Variants in RALYL observed in about 807,000 individuals in gnomAD.
RALYL encodes the protein RALY RNA binding protein like, also known as RNA-binding Raly-like protein.
Under a neutral mutation model 35.1 loss-of-function variants are expected in RALYL, and 29 were observed. The observed-to-expected ratio is 0.83, with a 90% CI of 0.61 to 1.13. The LOEUF (loss-of-function observed/expected upper bound fraction) is 1.13, where lower values mean the gene tolerates loss of function less well. Ranked by LOEUF, RALYL falls within the 50% of genes most tolerant of loss-of-function variation. The pLI, the probability that RALYL is intolerant of heterozygous loss-of-function variation, is 0.00. For synonymous variants in RALYL, 120 were observed against 127.6 expected, an observed-to-expected ratio of 0.94 and a Z score of 0.40; for missense variants, 359 against 360.4, an observed-to-expected ratio of 1.00 and a Z score of 0.03.
chr8:84,650,355 G>A (rs1251302898), intron 2 of RALYL, among the ~76,000 whole-genome samples: 1 of 151,760 alleles, frequency 6.6e-6, no homozygotes, highest in Non-Finnish European at 1.5e-5. Context: ...AATCTACAAT[G>A]AACTCAAACA....
intron 1 of RALYL, among the ~76,000 whole-genome samples, chr8:84,519,269 G>T (rs1028436703): frequency 6.6e-6 from 1 of 152,042 alleles, no homozygotes; most frequent in African/African-American, 2.4e-5. Flanking sequence ...GTAGATTTGC[G>T]GATCTTATAA....
At chr8:84,552,336 G>GTTTATA (rs1564131734) in intron 2 of RALYL, among the ~76,000 whole-genome samples, 46 of 84,146 alleles carry the variant, frequency 5.5e-4, no homozygotes, top group African/African-American at 2.5e-3. Flanking sequence ...TAGGATGTGT[G>GTTTATA]TGTATATATA....
At chr8:84,594,905 G>T (rs936308393) in intron 2 of RALYL, among the ~76,000 whole-genome samples, 5 of 149,596 alleles carry the variant, frequency 3.3e-5, no homozygotes, top group Non-Finnish European at 7.4e-5. Context: ...TATGAACCTT[G>T]AGCTTTTAGA....
At chr8:84,897,322 C>T (rs1038849008) in intron 8 of RALYL, among the ~76,000 whole-genome samples, 1 of 152,070 alleles carries the variant, frequency 6.6e-6, no homozygotes, top group Non-Finnish European at 1.5e-5. Flanking sequence ...TCATATGAAA[C>T]TTTGTATTTT....
intron 2 of RALYL, among the ~76,000 whole-genome samples, chr8:84,621,882 G>A (rs568005658): frequency 9.2e-5 from 14 of 152,200 alleles, no homozygotes; most frequent in African/African-American, 2.9e-4. Context: ...TGCTAATTTA[G>A]CCATTATTTT....
At chr8:84,571,668 G>T (rs1375953830) in intron 2 of RALYL, among the ~76,000 whole-genome samples, 1 of 151,350 alleles carries the variant, frequency 6.6e-6, no homozygotes, top group Non-Finnish European at 1.5e-5. Context: ...TGTTTAATTT[G>T]TTCCTGTTTT....
At chr8:84,535,059 A>G (rs556562765) in intron 2 of RALYL, among the ~76,000 whole-genome samples, 1 of 152,286 alleles carries the variant, frequency 6.6e-6, no homozygotes, top group South Asian at 2.1e-4. Context: ...GTTTTCTCTT[A>G]TTAATAGCTG....
intron 2 of RALYL, among the ~76,000 whole-genome samples, chr8:84,757,432 C>A (rs1361321915): frequency 6.6e-6 from 1 of 152,122 alleles, no homozygotes. Context: ...TGGGAAAAAA[C>A]TGCCGATGTG....
chr8:84,880,661 G>T (rs775186058), intron 7 of RALYL, among the ~76,000 whole-genome samples: 1 of 151,846 alleles, frequency 6.6e-6, no homozygotes, highest in Non-Finnish European at 1.5e-5. Context: ...ATTTATTGAG[G>T]TACAGTTTAC....
intron 1 of RALYL, among the ~76,000 whole-genome samples, chr8:84,248,638 A>G (rs902089996): frequency 4.6e-5 from 7 of 152,092 alleles, no homozygotes; most frequent in African/African-American, 1.7e-4. Flanking sequence ...TGGAGAAAAC[A>G]TTCTTCCTCT....
chr8:84,651,625 A>T (rs917224093), intron 2 of RALYL, among the ~76,000 whole-genome samples: 1 of 152,076 alleles, frequency 6.6e-6, no homozygotes, highest in African/African-American at 2.4e-5. Context: ...TAAATATGTC[A>T]TTTGATATAC....
intron 2 of RALYL, among the ~76,000 whole-genome samples, chr8:84,607,994 G>C (rs1365450645): frequency 3.3e-5 from 5 of 151,572 alleles, no homozygotes; most frequent in African/African-American, 1.2e-4. Flanking sequence ...TGAGTACTCA[G>C]TCAATTGCTG....
chr8:84,427,217 C>T (rs960053061), intron 1 of RALYL, among the ~76,000 whole-genome samples: 9 of 152,306 alleles, frequency 5.9e-5, no homozygotes, highest in Middle Eastern at 3.4e-3. Flanking sequence ...TGGCATGTAC[C>T]ATCATCGTTT....
chr8:84,694,826 G>C (rs1440622920), intron 2 of RALYL, among the ~76,000 whole-genome samples: 2 of 151,812 alleles, frequency 1.3e-5, no homozygotes, highest in African/African-American at 4.8e-5. Context: ...TAGGCTGTTT[G>C]TTTTTTGTAT....
At chr8:84,499,508 C>G (rs2056437141) in intron 1 of RALYL, among the ~76,000 whole-genome samples, 1 of 152,084 alleles carries the variant, frequency 6.6e-6, no homozygotes, top group Non-Finnish European at 1.5e-5. Context: ...ACAAGTTAAG[C>G]AGTTGCATGT....
At chr8:84,241,222 G>A (rs770779114) in intron 1 of RALYL, among the ~76,000 whole-genome samples, 1 of 152,076 alleles carries the variant, frequency 6.6e-6, no homozygotes, top group Non-Finnish European at 1.5e-5. Flanking sequence ...ATGGTGAGGT[G>A]TATTGTCAGT....
chr8:84,765,400 G>A (rs1338074263), intron 2 of RALYL, among the ~76,000 whole-genome samples: 1 of 152,264 alleles, frequency 6.6e-6, no homozygotes, highest in Non-Finnish European at 1.5e-5. Flanking sequence ...CTGGGGCAGG[G>A]TATCACCTCT....
chr8:84,678,024 T>G (rs573870755), intron 2 of RALYL, among the ~76,000 whole-genome samples: 1 of 152,310 alleles, frequency 6.6e-6, no homozygotes, highest in South Asian at 2.1e-4. Context: ...AGTCAAGTGA[T>G]ATTACTTTTC....
chr8:84,518,335 C>G (rs527836688), intron 1 of RALYL, among the ~76,000 whole-genome samples: 12 of 152,150 alleles, frequency 7.9e-5, no homozygotes, highest in African/African-American at 2.9e-4. Flanking sequence ...CTTTCTATAG[C>G]TAAGGGGAAG....
Sources: allele counts gnomAD v4.1 joint callset (sites outside exome capture counted in the v4.1 genomes callset), GRCh38; gene constraint gnomAD v4.1.1; transcripts MANE v1.5; gene names NCBI Gene and HGNC (gene_info 2026-07-23, HGNC 2026-07-21).